C2orf80: variants seen among roughly 807,000 people sequenced by gnomAD.
C2orf80 encodes the protein uncharacterized protein C2orf80.
Under a neutral mutation model 30.2 loss-of-function variants are expected in C2orf80, and 28 were observed. The ratio of observed to expected loss-of-function variants is 0.93; its 90% CI spans 0.69 to 1.27. C2orf80 has a LOEUF of 1.27. Among genes scored for constraint, C2orf80 ranks in the 50% most tolerant of loss-of-function variants. C2orf80 has a pLI of 0.00. For synonymous variants in C2orf80, 80 were observed against 76.4 expected, an observed-to-expected ratio of 1.05 and a Z score of -0.24; for missense variants, 220 against 231.0, an observed-to-expected ratio of 0.95 and a Z score of 0.31.
At chr2:208,176,022 C>T (rs769704942) in intron 6 of C2orf80, among the ~76,000 whole-genome samples, 4 of 152,040 alleles carry the variant, frequency 2.6e-5, no homozygotes, top group Non-Finnish European at 4.4e-5. Context: ...CAAATTACGC[C>T]CTCTGTGATC....
At chr2:208,185,175 G>T in intron 2 of C2orf80, 143 bp from the exon 3 acceptor site, 4 of 579,234 alleles carry the variant, frequency 6.9e-6, no homozygotes, top group Non-Finnish European at 1.2e-5. Flanking sequence ...GTTAATATTC[G>T]GTTTTGGTTT....
At chr2:208,189,195 A>T (rs1448103642) in intron 1 of C2orf80, among the ~76,000 whole-genome samples, 2 of 152,246 alleles carry the variant, frequency 1.3e-5, no homozygotes, top group Non-Finnish European at 2.9e-5. Context: ...AGTAAGGCAC[A>T]GTTAGCATGT....
chr2:208,185,177 T>C lies in C2orf80; in HGVS notation c.42-145A>G, dbSNP rs906840786. On this transcript the variant is annotated intron_variant, in intron 2 of 8. Coordinates refer to ENST00000341287, the MANE Select transcript of C2orf80 (RefSeq NM_001099334.3). ...CTCTGGTAGCTGAGTTAATATTCGG[T>C]TTTGGTTTACACGACAATTCTACAA... The C allele has an allele frequency of 5.5e-5, 32 of 586,020 alleles. No homozygotes were observed. The Admixed American group carries it at 9.8e-4, about 18-fold the overall frequency. The allele number at this position is 586,020 out of a possible 1,614,324, so 36.3% of individuals were successfully genotyped here.
intron 8 of C2orf80, among the ~76,000 whole-genome samples, chr2:208,169,491 G>T (rs1052190832): frequency 6.6e-6 from 1 of 151,992 alleles, no homozygotes; most frequent in Admixed American, 6.6e-5. Context: ...CAGCACTTTG[G>T]GGGGCTGAGG....
At chr2:208,171,787 A>G (rs1048972819) in intron 7 of C2orf80, among the ~76,000 whole-genome samples, 1 of 152,112 alleles carries the variant, frequency 6.6e-6, no homozygotes, top group African/African-American at 2.4e-5. Context: ...TGCTCCCATC[A>G]CCAAAGCATC....
In C2orf80 at chr2:208,165,571, G is replaced by GTC; in HGVS notation, c.*234_*235dup. The GTC allele has an allele frequency of 2.1e-6, 1 of 469,484 alleles. No homozygotes were observed. The highest frequency in any genetic ancestry group is 3.8e-6 in the Non-Finnish European group (1 of 266,502). 29.1% of individuals were successfully genotyped at this position (469,484 alleles called of 1,614,324 possible). Reference sequence around the variant, plus strand: ...TATATACTTTCTGAATTCTCCAGCAGTCTTCCAGTCACAATGAAGTAGCAT... The same window carrying GTC: ...TATATACTTTCTGAATTCTCCAGCAGTCTCTTCCAGTCACAATGAAGTAGCAT... On this transcript the variant is annotated 3_prime_UTR_variant, in exon 9 of 9. Transcript: ENST00000341287.
intron 8 of C2orf80, among the ~76,000 whole-genome samples, chr2:208,167,773 G>T (rs996503281): frequency 6.6e-6 from 1 of 151,534 alleles, no homozygotes; most frequent in Non-Finnish European, 1.5e-5. Context: ...GATGGGGTTT[G>T]CCATGTTGTT....
chr2:208,173,566 C>A (rs7608049), intron 6 of C2orf80, among the ~76,000 whole-genome samples: 2 of 152,076 alleles, frequency 1.3e-5, no homozygotes, highest in South Asian at 2.1e-4. Context: ...CGGAGCTTGC[C>A]GTGAGCCGAG....
rs533653213 is a variant in C2orf80 at position 208,186,843 on chromosome 2, G to A, written c.41+103C>T. The A allele has an allele frequency of 2.0e-4, 204 of 1,027,806 alleles. 1 individual carries two copies. In the South Asian group the frequency reaches 2.5e-3, roughly 13 times the overall value. 63.7% of individuals were successfully genotyped at this position (1,027,806 alleles called of 1,614,324 possible). ...GGTTTTCTCCTACCATGCAGAAATAGATTCTTAGATTTTTACCCACTGCCA... is the reference window on the plus strand; with the variant it reads ...GGTTTTCTCCTACCATGCAGAAATAAATTCTTAGATTTTTACCCACTGCCA... On this transcript the variant is annotated intron_variant, in intron 2 of 8. Coordinates refer to ENST00000341287, the MANE Select transcript of C2orf80 (RefSeq NM_001099334.3).
chr2:208,183,954 T>A (rs1313388080), intron 3 of C2orf80, among the ~76,000 whole-genome samples: 1 of 152,152 alleles, frequency 6.6e-6, no homozygotes, highest in African/African-American at 2.4e-5. Flanking sequence ...AAACGGAAGA[T>A]TGGTTTTGTT....
Position 208,188,715 on chromosome 2 carries a change from C to T in C2orf80, c.-76+1238G>A, listed in dbSNP as rs1422027012. ...CCACCTGCCTCAGCCTCCCAAAGTG[C>T]TGGGATTACAGGCGTGAGCCACCGT... is the stretch of plus-strand genomic sequence containing the variant. On this transcript the variant is annotated intron_variant, in intron 1 of 8. Coordinates refer to ENST00000341287, the MANE Select transcript of C2orf80 (RefSeq NM_001099334.3). Among the ~76,000 whole-genome samples, 7 of 152,298 alleles carry T rather than the reference C, an allele frequency of 4.6e-5. 1 individual carries two copies. The East Asian group carries it at 1.4e-3, about 29-fold the overall frequency.
chr2:208,176,952 T>C (rs1696349934), intron 6 of C2orf80, among the ~76,000 whole-genome samples: 6 of 40,402 alleles, frequency 1.5e-4, no homozygotes, highest in Non-Finnish European at 2.7e-4. Context: ...TGTATACATA[T>C]CTGTATACAT....
intron 1 of C2orf80, among the ~76,000 whole-genome samples, chr2:208,189,593 G>C (rs142879950): frequency 5.3e-5 from 8 of 152,180 alleles, no homozygotes; most frequent in African/African-American, 1.9e-4. Flanking sequence ...GCTACGCCTG[G>C]TCTAAAGAAG....
chr2:208,188,072 G>A (rs1696769886), intron 1 of C2orf80, among the ~76,000 whole-genome samples: 1 of 146,450 alleles, frequency 6.8e-6, no homozygotes, highest in Non-Finnish European at 1.5e-5. Flanking sequence ...AGATGGTTAA[G>A]CCTATACTGC....
intron 6 of C2orf80, among the ~76,000 whole-genome samples, chr2:208,172,975 C>A (rs145662882): frequency 5.3e-5 from 8 of 151,942 alleles, no homozygotes; most frequent in African/African-American, 1.7e-4. Context: ...AAAAATTAAG[C>A]GAGTGTGGTA....
chr2:208,189,225 T>G (rs1210506028), intron 1 of C2orf80, among the ~76,000 whole-genome samples: 1 of 152,230 alleles, frequency 6.6e-6, no homozygotes, highest in East Asian at 1.9e-4. Context: ...CATTCTTGTC[T>G]TGTAATTCTG....
At chr2:208,168,596 G>C (rs1695983469) in intron 8 of C2orf80, 3 of 151,042 alleles carry the variant, frequency 2.0e-5, no homozygotes. Context: ...GGGAGGCGGA[G>C]CTTGCAGTGA....
chr2:208,177,282 C>A (rs1341033160), intron 6 of C2orf80, among the ~76,000 whole-genome samples: 1 of 151,522 alleles, frequency 6.6e-6, no homozygotes, highest in Non-Finnish European at 1.5e-5. Context: ...TGGCTCACGC[C>A]TGTAATCCCA....
chr2:208,172,374 G>A (rs1448638097), intron 6 of C2orf80, among the ~76,000 whole-genome samples: 1 of 152,144 alleles, frequency 6.6e-6, no homozygotes. Flanking sequence ...TCTGCCTAGA[G>A]GCACCTACCT....
Sources: allele counts gnomAD v4.1 joint callset (sites outside exome capture counted in the v4.1 genomes callset), GRCh38; gene constraint gnomAD v4.1.1; transcripts MANE v1.5; gene names NCBI Gene and HGNC (gene_info 2026-07-23, HGNC 2026-07-21).